Variants in BMPR1B observed in about 807,000 individuals in gnomAD.
The protein encoded by BMPR1B is bone morphogenetic protein receptor type 1B.
In BMPR1B, 12 loss-of-function variants were observed where a neutral mutation model predicts 59.1. That is an observed-to-expected ratio of 0.20 (90% CI 0.13 to 0.33). The LOEUF is 0.33. Ranked by LOEUF, BMPR1B falls within the 10% of genes least tolerant of loss-of-function variation. The pLI is 1.00. For synonymous variants in BMPR1B, 237 were observed against 207.3 expected (o/e 1.14, Z -1.23); for missense variants, 550 against 610.9 (o/e 0.90, Z 1.05).
At chr4:94,927,569 T>G (rs1185857655) in intron 2 of BMPR1B, among the ~76,000 whole-genome samples, 1 of 152,124 alleles carries the variant, frequency 6.6e-6, no homozygotes, top group Non-Finnish European at 1.5e-5. Flanking sequence ...GGACATTCAG[T>G]TGGCAGAAAT....
intron 2 of BMPR1B, among the ~76,000 whole-genome samples, chr4:94,980,130 A>G (rs1731179733): frequency 1.3e-5 from 2 of 152,246 alleles, no homozygotes; most frequent in Non-Finnish European, 2.9e-5. Flanking sequence ...AAGTCATCAC[A>G]GTTCACTGCA....
intron 3 of BMPR1B, among the ~76,000 whole-genome samples, chr4:95,055,478 A>T (rs1054427816): frequency 7.2e-5 from 11 of 152,336 alleles, no homozygotes; most frequent in African/African-American, 2.6e-4. Flanking sequence ...TGTTAGACCA[A>T]CACAGCTGTT....
At chr4:95,042,590 C>T (rs959810283) in intron 3 of BMPR1B, among the ~76,000 whole-genome samples, 10 of 152,102 alleles carry the variant, frequency 6.6e-5, no homozygotes, top group African/African-American at 2.4e-4. Context: ...GCAGTTCTGG[C>T]CCCAAGCATT....
At chr4:94,873,410 C>CTCTT (rs763544899) in intron 1 of BMPR1B, among the ~76,000 whole-genome samples, 1 of 139,626 alleles carries the variant, frequency 7.2e-6, no homozygotes, top group Non-Finnish European at 1.6e-5. Context: ...GCTATGAATT[C>CTCTT]TTTTTTTTTT....
At chr4:95,150,938 C>A (rs1033507142) in intron 11 of BMPR1B, among the ~76,000 whole-genome samples, 1 of 152,142 alleles carries the variant, frequency 6.6e-6, no homozygotes, top group African/African-American at 2.4e-5. Flanking sequence ...TATAGCATAC[C>A]TGTTTCCACA....
intron 3 of BMPR1B, among the ~76,000 whole-genome samples, chr4:95,047,496 C>T (rs1223927771): frequency 6.6e-6 from 1 of 152,100 alleles, no homozygotes; most frequent in Non-Finnish European, 1.5e-5. Context: ...CCATTCTCAT[C>T]ATATCAGGGG....
chr4:94,941,356 C>CA (rs1280739967), intron 2 of BMPR1B, among the ~76,000 whole-genome samples: 1 of 151,048 alleles, frequency 6.6e-6, no homozygotes, highest in Admixed American at 6.6e-5. Flanking sequence ...TGCTTGAACC[C>CA]AGGAGGCAGA....
intron 2 of BMPR1B, among the ~76,000 whole-genome samples, chr4:94,880,113 A>C (rs1726900442): frequency 6.6e-6 from 1 of 152,154 alleles, no homozygotes; most frequent in Non-Finnish European, 1.5e-5. Flanking sequence ...CATGCTGTTA[A>C]GTATATGTGT....
intron 2 of BMPR1B, among the ~76,000 whole-genome samples, chr4:94,890,035 T>C (rs528947220): frequency 6.6e-6 from 1 of 152,206 alleles, no homozygotes; most frequent in East Asian, 1.9e-4. Context: ...ATCTAGCAAG[T>C]GCGTTTTGCT....
intron 2 of BMPR1B, among the ~76,000 whole-genome samples, chr4:94,990,319 C>G (rs777127759): frequency 6.6e-6 from 1 of 152,114 alleles, no homozygotes; most frequent in Non-Finnish European, 1.5e-5. Context: ...CATGCCACTG[C>G]ACTCCAGCCT....
intron 3 of BMPR1B, among the ~76,000 whole-genome samples, chr4:95,000,299 G>A (rs1722346984): frequency 6.6e-6 from 1 of 152,094 alleles, no homozygotes; most frequent in Admixed American, 6.6e-5. Context: ...GGAAAATTTG[G>A]TAATCTTAAT....
intron 2 of BMPR1B, among the ~76,000 whole-genome samples, chr4:94,993,996 GT>G (rs1220610024): frequency 6.6e-6 from 1 of 152,052 alleles, no homozygotes; most frequent in Non-Finnish European, 1.5e-5. Context: ...TAGCTGATGT[GT>G]TTTGTTTTAA....
At chr4:94,997,329 C>T (rs1722127096) in intron 3 of BMPR1B, among the ~76,000 whole-genome samples, 1 of 152,146 alleles carries the variant, frequency 6.6e-6, no homozygotes, top group Non-Finnish European at 1.5e-5. Flanking sequence ...AAAGCTAATA[C>T]TCTGGCACAG....
At chr4:94,904,760 A>C (rs2149004445) in intron 2 of BMPR1B, among the ~76,000 whole-genome samples, 1 of 152,148 alleles carries the variant, frequency 6.6e-6, no homozygotes, top group South Asian at 2.1e-4. Flanking sequence ...ATTGGTTTTG[A>C]ACCTACTCAC....
At chr4:94,853,657 G>C (rs904012044) in intron 1 of BMPR1B, among the ~76,000 whole-genome samples, 2 of 152,030 alleles carry the variant, frequency 1.3e-5, no homozygotes, top group Admixed American at 1.3e-4. Context: ...TTATTTAGGG[G>C]GAGGGGAGGA....
At chr4:95,116,187 T>A (rs951451480) in intron 6 of BMPR1B, among the ~76,000 whole-genome samples, 1 of 152,164 alleles carries the variant, frequency 6.6e-6, no homozygotes, top group Non-Finnish European at 1.5e-5. Flanking sequence ...TAAACATTAT[T>A]TGCTATATGG....
intron 3 of BMPR1B, among the ~76,000 whole-genome samples, chr4:95,020,577 CAAAA>C (rs10549500): frequency 1.5e-4 from 18 of 123,740 alleles, no homozygotes; most frequent in Admixed American, 1.6e-4. Flanking sequence ...GACTCCATCT[CAAAA>C]AAAAAAAAAA....
chr4:94,850,654 C>T (rs1011676861), intron 1 of BMPR1B, among the ~76,000 whole-genome samples: 1 of 152,112 alleles, frequency 6.6e-6, no homozygotes, highest in Non-Finnish European at 1.5e-5. Context: ...ATCTTTTGGG[C>T]ATCTGTGGTC....
At chr4:95,074,758 A>T (rs1451559129) in intron 3 of BMPR1B, among the ~76,000 whole-genome samples, 1 of 152,162 alleles carries the variant, frequency 6.6e-6, no homozygotes, top group Non-Finnish European at 1.5e-5. Flanking sequence ...CTGCTACTCT[A>T]GGTAAATTAC....
Sources: allele counts gnomAD v4.1 joint callset (sites outside exome capture counted in the v4.1 genomes callset), GRCh38; gene constraint gnomAD v4.1.1; transcripts MANE v1.5; gene names NCBI Gene and HGNC (gene_info 2026-07-23, HGNC 2026-07-21).